The following MEIS1 variants were observed in gnomAD, a reference collection of about 807,000 sequenced individuals.
The protein encoded by MEIS1 is homeobox protein Meis1.
In MEIS1, 5 loss-of-function variants were observed where a neutral mutation model predicts 50.8. The observed-to-expected ratio is 0.10, with a 90% confidence interval of 0.05 to 0.21. The LOEUF (loss-of-function observed/expected upper bound fraction) is 0.21, where lower values mean the gene tolerates loss of function less well. Among genes scored for constraint, MEIS1 ranks in the 10% least tolerant of loss-of-function variants. The pLI, the probability that MEIS1 is intolerant of heterozygous loss-of-function variation, is 1.00. For missense variants in MEIS1, 318 were observed against 517.3 expected, an observed-to-expected ratio of 0.61 and a Z score of 3.74; for synonymous variants, 176 against 179.3, an observed-to-expected ratio of 0.98 and a Z score of 0.15.
intron 1 of MEIS1, among the ~76,000 whole-genome samples, chr2:66,436,703 A>G (rs953832692): frequency 1.3e-5 from 2 of 152,112 alleles, no homozygotes; most frequent in Non-Finnish European, 2.9e-5. Flanking sequence ...CTCTTTTCAC[A>G]CCTCTGGCTT....
At chr2:66,471,534 G>A (rs918464986) in intron 7 of MEIS1, among the ~76,000 whole-genome samples, 1 of 152,156 alleles carries the variant, frequency 6.6e-6, no homozygotes, top group Non-Finnish European at 1.5e-5. Flanking sequence ...GTGACTTGTA[G>A]CACATCTAAA....
chr2:66,517,632 G>A (rs753129183), intron 8 of MEIS1, among the ~76,000 whole-genome samples: 1 of 152,134 alleles, frequency 6.6e-6, no homozygotes, highest in Non-Finnish European at 1.5e-5. Context: ...TGTAGATAGC[G>A]TATTTCAACT....
chr2:66,467,591 C>T (rs1672668704), intron 7 of MEIS1, among the ~76,000 whole-genome samples: 1 of 150,440 alleles, frequency 6.6e-6, no homozygotes, highest in Non-Finnish European at 1.5e-5. Context: ...AGCAAGACTC[C>T]CATCTAGGAA....
intron 6 of MEIS1, among the ~76,000 whole-genome samples, chr2:66,456,063 C>T (rs1405256863): frequency 6.6e-6 from 1 of 152,108 alleles, no homozygotes; most frequent in Non-Finnish European, 1.5e-5. Context: ...AAATTCTTTT[C>T]CTCCTCTCTA....
chr2:66,439,386 A>T (rs1211602242), intron 2 of MEIS1: 1 of 1,251,830 alleles, frequency 8.0e-7, no homozygotes, highest in Non-Finnish European at 1.0e-6. Context: ...TGCCACCGAG[A>T]TCCCCCGAGC....
chr2:66,470,414 A>G (rs1672738267), intron 7 of MEIS1, among the ~76,000 whole-genome samples: 1 of 152,200 alleles, frequency 6.6e-6, no homozygotes, highest in South Asian at 2.1e-4. Context: ...CTTATCAAAC[A>G]TGTTGAATGA....
intron 7 of MEIS1, among the ~76,000 whole-genome samples, chr2:66,469,160 A>C (rs60653633): frequency 6.6e-6 from 1 of 151,552 alleles, no homozygotes; most frequent in Non-Finnish European, 1.5e-5. Flanking sequence ...CTCCTTTAGG[A>C]GGCAGGACTC....
intron 8 of MEIS1, among the ~76,000 whole-genome samples, chr2:66,522,384 A>G (rs1016022210): frequency 2.6e-5 from 4 of 152,162 alleles, no homozygotes; most frequent in African/African-American, 4.8e-5. Flanking sequence ...GCTCTTAGCC[A>G]TTTGGTTATG....
At chr2:66,561,739 T>C (rs899534091) in intron 9 of MEIS1, among the ~76,000 whole-genome samples, 3 of 152,202 alleles carry the variant, frequency 2.0e-5, no homozygotes, top group Non-Finnish European at 2.9e-5. Flanking sequence ...TGTTGTAAAA[T>C]GATATTTCTC....
At chr2:66,499,498 C>A (rs922434718) in intron 7 of MEIS1, among the ~76,000 whole-genome samples, 52 of 152,004 alleles carry the variant, frequency 3.4e-4, no homozygotes, top group African/African-American at 1.2e-3. Flanking sequence ...TTCCCCCACA[C>A]CTTCTTACAG....
chr2:66,450,498 G>T (rs1190852318), intron 6 of MEIS1, among the ~76,000 whole-genome samples: 1 of 152,068 alleles, frequency 6.6e-6, no homozygotes, highest in Non-Finnish European at 1.5e-5. Context: ...TAAAATGCCT[G>T]TTATTATTAA....
chr2:66,483,302 A>G (rs13422100), intron 7 of MEIS1, among the ~76,000 whole-genome samples: 28,714 of 148,610 alleles, frequency 0.19, 5,939 homozygotes, highest in African/African-American at 0.52. Context: ...CGAACTCCTG[A>G]GCTCAAGCTA....
At chr2:66,477,355 C>T (rs1295795325) in intron 7 of MEIS1, among the ~76,000 whole-genome samples, 1 of 152,198 alleles carries the variant, frequency 6.6e-6, no homozygotes, top group Non-Finnish European at 1.5e-5. Context: ...TTTCAGAAGA[C>T]TGACTACACA....
intron 7 of MEIS1, among the ~76,000 whole-genome samples, chr2:66,496,396 T>C (rs984056263): frequency 6.6e-6 from 1 of 152,024 alleles, no homozygotes; most frequent in Non-Finnish European, 1.5e-5. Context: ...CCTGTGAGCT[T>C]GGTCTCTTTT....
At chr2:66,547,591 T>A (rs1240402779) in intron 8 of MEIS1, among the ~76,000 whole-genome samples, 5 of 152,160 alleles carry the variant, frequency 3.3e-5, no homozygotes, top group African/African-American at 1.2e-4. Flanking sequence ...ATATATTAAG[T>A]TAGGGCAGTA....
At position 66,569,073 on chromosome 2, in the gene MEIS1, A is replaced by C. The variant is rs1209337277; in HGVS notation, c.1138A>C (p.Asn380His). The change falls in exon 12 of 13, where the codon AAT (asparagine) becomes CAT (histidine). Residue 380 changes from asparagine (N) to histidine (H), a missense_variant. Asn to His is a moderately conservative substitution (Grantham distance 68). Around this residue, in one of 6 missense-constraint regions of MEIS1, gnomAD observed 54 missense variants for 75.0 expected, o/e 0.72. Transcript: ENST00000272369. ...APGPMSGMGM[N>H]MGMEGQWHYM is the part of the protein sequence containing the mutation. ...AGGACCTATGAGTGGAATGGGCATG[A>C]ATATGGGCATGGAGGGGCAGTGGCA... 2 of 1,613,766 alleles carry C rather than the reference A, an allele frequency of 1.2e-6. No homozygotes were observed. The highest frequency in any genetic ancestry group is 2.7e-5 in the African/African-American group (2 of 74,894).
intron 8 of MEIS1, among the ~76,000 whole-genome samples, chr2:66,542,955 A>G (rs537233622): frequency 1.2e-4 from 18 of 152,290 alleles, no homozygotes; most frequent in Admixed American, 1.1e-3. Context: ...TCTCTTCCCC[A>G]TTGATGCTCA....
intron 2 of MEIS1, chr2:66,439,549 A>G (rs1573116208): frequency 2.7e-6 from 4 of 1,506,152 alleles, no homozygotes; most frequent in Non-Finnish European, 8.9e-7. Flanking sequence ...TGGCTGCTGG[A>G]AACGCTTGGG....
At chr2:66,479,467 G>A (rs895916257) in intron 7 of MEIS1, among the ~76,000 whole-genome samples, 4 of 152,146 alleles carry the variant, frequency 2.6e-5, no homozygotes, top group African/African-American at 9.7e-5. Context: ...TGTGAATGGT[G>A]TAGTTAGTAT....
Sources: gnomAD v4.1 joint callset for allele counts (sites outside exome capture counted in the v4.1 genomes callset) on GRCh38, gnomAD v4.1.1 for gene constraint, gnomAD v4.1.1 regional missense constraint, MANE v1.5 for transcripts, NCBI Gene and HGNC (gene_info 2026-07-23, HGNC 2026-07-21) for gene names.